ZAN: variants seen among roughly 807,000 people sequenced by gnomAD.
ZAN encodes zonadhesin, also known as zonadhesin (gene/pseudogene).
ZAN carries 260 observed loss-of-function variants against 286.2 expected under a neutral mutation model. That is an observed-to-expected ratio of 0.91 (90% confidence interval 0.82 to 1.01). ZAN has a LOEUF of 1.01. ZAN is among the 50% of genes least tolerant of loss of function. The pLI is 0.00. For missense variants in ZAN, 3,410 were observed against 3,639.2 expected, an observed-to-expected ratio of 0.94 and a Z score of 1.62; for synonymous variants, 1,368 against 1,417.5, an observed-to-expected ratio of 0.97 and a Z score of 0.79.
intron 35 of ZAN, among the ~76,000 whole-genome samples, chr7:100,781,652 CTT>C (rs5886134): frequency 1.4e-4 from 18 of 128,220 alleles, no homozygotes; most frequent in Middle Eastern, 4.1e-3. Flanking sequence ...CATTGCTATA[CTT>C]TTTTTTTTTT....
chr7:100,775,101 A>AT (rs966645497), intron 31 of ZAN, among the ~76,000 whole-genome samples: 7 of 151,522 alleles, frequency 4.6e-5, no homozygotes, highest in South Asian at 2.1e-4. Context: ...ATTTTTTTGT[A>AT]TTTTTTTTAG....
chr7:100,797,703 T>C lies in ZAN; in HGVS notation c.8414-4T>C. On this transcript the variant is annotated splice_region_variant and splice_polypyrimidine_tract_variant and intron_variant, in intron 47 of 47. Coordinates refer to ENST00000613979, the MANE Select transcript of ZAN (RefSeq NM_003386.3). ...CATACATGGTTTTCTTGCTTTCTCC[T>C]CAGATACTGTTCTGGACTGTGCCTG... 1 of 1,614,006 alleles carries C rather than the reference T, an allele frequency of 6.2e-7. No individual in the cohort carries two copies. The highest frequency in any genetic ancestry group is 8.5e-7 in the Non-Finnish European group (1 of 1,179,894).
intron 11 of ZAN, 139 bp downstream of exon 11, chr7:100,748,609 A>G (rs779366696): frequency 5.2e-5 from 62 of 1,193,780 alleles, no homozygotes; most frequent in Non-Finnish European, 6.7e-5. Context: ...GGAAGTTTCC[A>G]TGGTACTGGA....
In ZAN at chr7:100,746,602, C is replaced by T. The variant is rs769256028; in HGVS notation, c.831C>T (p.Ser277=). The T allele has an allele frequency of 4.3e-6, 7 of 1,614,026 alleles. No homozygotes were observed. The South Asian group carries it at 7.7e-5, about 18-fold the overall frequency. Residue 277 remains serine (S), a synonymous_variant, in exon 8 of 48, where the codon AGC becomes AGT. Transcript: ENST00000613979. ...ARPGQKAVLL[S]PVSLSSGCLS... ...CTGGGCAGAAAGCTGTCCTCCTGAG[C>T]CCCGTGAGCCTGTCCTCTGGCTGTC...
Position 100,737,287 on chromosome 7 carries a change from G to T in ZAN, c.551G>T (p.Ser184Ile). 6.7e-7 allele frequency: 1 copy of T among 1,490,616 alleles called. No individual in the cohort carries two copies. The highest frequency in any genetic ancestry group is 2.3e-5 in the East Asian group (1 of 42,780). 92.3% of individuals were successfully genotyped at this position (1,490,616 alleles called of 1,614,324 possible). ...CTGATGTTTGAGGGAACACGGGGTA[G>T]CACTGCCTACCTGGACATCGCCCTG... Reference protein sequence around the residue: ...TRLMFEGTRGSTAYLDIALDA... With the variant: ...TRLMFEGTRGITAYLDIALDA... Residue 184 changes from serine (S) to isoleucine (I), a missense_variant, in exon 6 of 48, where the codon AGC becomes ATC. Physicochemically the swap from Ser to Ile is moderately radical, Grantham distance 142 (BLOSUM62 -2). Coordinates refer to ENST00000613979, the MANE Select transcript of ZAN (RefSeq NM_003386.3).
intron 38 of ZAN, among the ~76,000 whole-genome samples, chr7:100,788,703 T>C (rs910746986): frequency 6.6e-6 from 1 of 152,062 alleles, no homozygotes; most frequent in African/African-American, 2.4e-5. Context: ...TACACCAATG[T>C]ATTTTTATTT....
rs1195431658 is a variant in ZAN at position 100,750,764 on chromosome 7, T to C, written c.1389T>C (p.Thr463=). The change falls in exon 12 of 48, where the codon ACT becomes ACC. Residue 463 remains threonine, a synonymous_variant. Transcript: ENST00000613979. ...AYHMYGLGEG[T]MLELLLGSPA... is the part of the protein sequence containing the mutation. ...ACATGTATGGCCTTGGGGAGGGTAC[T>C]ATGCTCGAACTCCTCCTGGGAAGTC... 1 of 1,613,280 alleles carries C rather than the reference T, an allele frequency of 6.2e-7. No individual in the cohort carries two copies. Among genetic ancestry groups the C allele is most frequent in the Middle Eastern group, 1.7e-4 (1 of 6,060 alleles).
rs73411181 is a variant in ZAN, at chr7:100,793,932, C to T, written c.7900C>T (p.Arg2634Cys). The T allele has an allele frequency of 1.7e-3, 2,695 of 1,613,936 alleles. 53 individuals are homozygous for T. In the African/African-American group the frequency reaches 0.032, roughly 19 times the overall value. ...GLRGPLRGRL[R>C]QHPRLCLQWH... ...GCGAGGGCCCCTGCGTGGAAGGCTG[C>T]GCCAGCATCCCAGGCTATGCCTACA... is the stretch of plus-strand genomic sequence containing the variant. The change falls in exon 43 of 48, where the codon CGC (arginine) becomes TGC (cysteine). Residue 2634 changes from arginine to cysteine, a missense_variant. Physicochemically the swap from Arg to Cys is radical, Grantham distance 180. Around this residue, in one of 7 missense-constraint regions of ZAN, gnomAD observed 1,289 missense variants for 1,314.3 expected, o/e 0.98. Transcript: ENST00000613979.
rs761898200 is a variant in ZAN at position 100,736,834 on chromosome 7, G to C, written c.279G>C (p.Ser93=). 25 of 1,480,824 alleles carry C rather than the reference G, an allele frequency of 1.7e-5. 6 individuals are homozygous for C. Among genetic ancestry groups the C allele is most frequent in the African/African-American group, 1.1e-4 (8 of 70,454 alleles). 91.7% of individuals were successfully genotyped at this position (1,480,824 alleles called of 1,614,324 possible). Residue 93 remains serine (S), a synonymous_variant, in exon 5 of 48, where the codon TCG becomes TCC. Coordinates refer to ENST00000613979, the MANE Select transcript of ZAN (RefSeq NM_003386.3). ...AGGGCAGCTATCTGCATATGGAATC[G>C]AACAGCTTCCACCGTGGGGGAGTGG... ...NGEGSYLHME[S]NSFHRGGVAR...
Position 100,785,478 on chromosome 7 carries a change from G to C in ZAN, c.6835-519G>C, listed in dbSNP as rs143473796. Among the ~76,000 whole-genome samples, 1,302 of 151,900 alleles carry C rather than the reference G, an allele frequency of 8.6e-3. 27 individuals are homozygous for C. Among genetic ancestry groups the C allele is most frequent in the African/African-American group, 0.03 (1,229 of 41,402 alleles). On this transcript the variant is annotated intron_variant, in intron 36 of 47. Coordinates refer to ENST00000613979, the MANE Select transcript of ZAN (RefSeq NM_003386.3). ...ACTCCTGACCTCAAGTGATCTGCCC[G>C]CCTTGGCCTCCCAAAGTACTAAGAT...
intron 23 of ZAN, 73 bp downstream of exon 23, chr7:100,765,627 G>C: frequency 2.0e-6 from 3 of 1,470,872 alleles, no homozygotes; most frequent in Non-Finnish European, 2.7e-6. Flanking sequence ...CCCCCTGCAA[G>C]CTCTTTCTTT....
chr7:100,768,698 G>T lies in ZAN; in HGVS notation c.5130G>T (p.Lys1710Asn). 1 of 1,604,600 alleles carries T rather than the reference G, an allele frequency of 6.2e-7. No individual in the cohort carries two copies. Among genetic ancestry groups the T allele is most frequent in the Non-Finnish European group, 8.5e-7 (1 of 1,175,712 alleles). ...GDSMQLGAAW[K>N]LPESSEPGCF... ...CCATGCAGCTGGGGGCCGCCTGGAAGTTACCTGAATCCTCTGAACCTGGGT... is the reference window on the plus strand; with the variant it reads ...CCATGCAGCTGGGGGCCGCCTGGAATTTACCTGAATCCTCTGAACCTGGGT... The change falls in exon 27 of 48, where the codon AAG (lysine) becomes AAT (asparagine). Residue 1710 changes from lysine to asparagine, a missense_variant. By Grantham distance (94) the Lys-to-Asn change is moderately conservative. Around this residue, in one of 7 missense-constraint regions of ZAN, gnomAD observed 1,042 missense variants for 1,058.0 expected, o/e 0.98. Coordinates refer to ENST00000613979, the MANE Select transcript of ZAN (RefSeq NM_003386.3).
chr7:100,753,093 G>T lies in ZAN; in HGVS notation c.2988G>T (p.Lys996Asn), dbSNP rs1470983960. 5.0e-6 allele frequency: 8 copies of T among 1,613,764 alleles called. No homozygotes were observed. The highest frequency in any genetic ancestry group is 1.6e-4 in the Middle Eastern group (1 of 6,084). The part of the protein sequence containing the change: ...PTEKPTIPTE[K>N]LTALRPPHPS... Reference sequence around the variant, plus strand: ...AAAAACCCACCATTCCCACAGAGAAGCTCACAGCCCTGAGGCCACCCCATC... The same window carrying T: ...AAAAACCCACCATTCCCACAGAGAATCTCACAGCCCTGAGGCCACCCCATC... The change falls in exon 14 of 48, where the codon AAG becomes AAT. Residue 996 changes from lysine to asparagine, a missense_variant. Lys to Asn is a moderately conservative substitution (Grantham distance 94). Around this residue, in one of 7 missense-constraint regions of ZAN, gnomAD observed 1,042 missense variants for 1,058.0 expected, o/e 0.98. Transcript: ENST00000613979.
intron 35 of ZAN, among the ~76,000 whole-genome samples, chr7:100,782,582 C>A (rs566128410): frequency 6.6e-6 from 1 of 152,138 alleles, no homozygotes; most frequent in African/African-American, 2.4e-5. Flanking sequence ...CTGCCCGCCT[C>A]GTCCTCCCCA....
At position 100,746,998 on chromosome 7, in the gene ZAN, C is replaced by T. The variant is rs540420259; in HGVS notation, c.931+296C>T. 6.6e-4 allele frequency among the ~76,000 whole-genome samples: 100 copies of T among 152,192 alleles called. 1 individual carries two copies. Among genetic ancestry groups the T allele is most frequent in the African/African-American group, 2.3e-3 (97 of 41,546 alleles). The stretch of plus-strand genomic sequence containing the variant: ...ACACGGGAGGCTGAGGCAGGAGAAT[C>T]GCTTGAACCCGGGAGGCGGAGGTTG... On this transcript the variant is annotated intron_variant, in intron 8 of 47. Transcript: ENST00000613979.
intron 18 of ZAN, among the ~76,000 whole-genome samples, 172 bp from the exon 19 acceptor site, chr7:100,760,219 A>G (rs188824878): frequency 1.3e-5 from 2 of 152,130 alleles, no homozygotes; most frequent in Non-Finnish European, 2.9e-5. Context: ...GTCTCCTAAA[A>G]ACAAAAACAA....
chr7:100,786,264 C>T (rs780258160), intron 37 of ZAN, 123 bp downstream of exon 37: 95 of 1,424,906 alleles, frequency 6.7e-5, no homozygotes, highest in Middle Eastern at 2.4e-4. Context: ...TTGGGGCGGG[C>T]GACTGGATCA....
Position 100,767,867 on chromosome 7 carries a change from G to A in ZAN, c.4897G>A (p.Ala1633Thr). 2 of 1,613,898 alleles carry A rather than the reference G, an allele frequency of 1.2e-6. No individual in the cohort carries two copies. The highest frequency in any genetic ancestry group is 1.7e-6 in the Non-Finnish European group (2 of 1,179,862). ...TCGGGTGGCCCTACCTGTGTGGCTT[G>A]CACAAGGCCGGGTGACCATAAGGCT... is the stretch of plus-strand genomic sequence containing the variant. ...GHRVALPVWL[A>T]QGRVTIRLSS... Residue 1633 changes from alanine (A) to threonine (T), a missense_variant, in exon 26 of 48, where the codon GCA (alanine) becomes ACA (threonine). Around this residue, in one of 7 missense-constraint regions of ZAN, gnomAD observed 1,042 missense variants for 1,058.0 expected, o/e 0.98. Transcript: ENST00000613979.
At chr7:100,780,388 A>T (rs1412471794) in intron 35 of ZAN, among the ~76,000 whole-genome samples, 1 of 151,828 alleles carries the variant, frequency 6.6e-6, no homozygotes, top group Non-Finnish European at 1.5e-5. Context: ...AAAGATACCC[A>T]GTAGGTTGGG....
Sources: gnomAD v4.1 joint callset for allele counts (sites outside exome capture counted in the v4.1 genomes callset) on GRCh38, gnomAD v4.1.1 for gene constraint, gnomAD v4.1.1 regional missense constraint, MANE v1.5 for transcripts, NCBI Gene and HGNC (gene_info 2026-07-23, HGNC 2026-07-21) for gene names.